Variants in ADAMTSL3 observed in about 807,000 individuals in gnomAD.
ADAMTSL3 encodes the protein ADAMTS-like protein 3.
Under a neutral mutation model 201.7 loss-of-function variants are expected in ADAMTSL3, and 128 were observed. That is an observed-to-expected ratio of 0.63 (90% CI 0.55 to 0.73). The LOEUF (loss-of-function observed/expected upper bound fraction) is 0.73. ADAMTSL3 is among the 30% of genes least tolerant of loss of function. ADAMTSL3 has a pLI of 0.00. For synonymous variants in ADAMTSL3, 738 were observed against 748.4 expected, an observed-to-expected ratio of 0.99 and a Z score of 0.23; for missense variants, 1,990 against 2,119.6, an observed-to-expected ratio of 0.94 and a Z score of 1.20.
chr15:83,655,661 G>T (rs1028647457), intron 1 of ADAMTSL3, 68 bp from the exon 2 acceptor site: 3 of 1,174,842 alleles, frequency 2.6e-6, no homozygotes, highest in Non-Finnish European at 3.7e-6. Context: ...CTAATGGGTC[G>T]CTTAAGTCAC....
Position 83,982,628 on chromosome 15 carries a change from C to G in ADAMTSL3, c.3000C>G (p.Asn1000Lys). The G allele has an allele frequency of 6.2e-7, 1 of 1,614,164 alleles. No individual in the cohort carries two copies. Among genetic ancestry groups the G allele is most frequent in the South Asian group, 1.1e-5 (1 of 91,084 alleles). ...TVVLKLIGTD[N>K]RLIARPALRE... is the part of the protein sequence containing the mutation. The stretch of plus-strand genomic sequence containing the variant: ...TGCTCAAGCTCATTGGTACTGACAA[C>G]CGGCTCATCGCACGCCCAGCCCTCA... Residue 1000 changes from asparagine to lysine, a missense_variant, in exon 21 of 30, where the codon AAC becomes AAG. Asn to Lys is a moderately conservative substitution (Grantham distance 94). Transcript: ENST00000286744.
At position 83,963,590 on chromosome 15, in the gene ADAMTSL3, C is replaced by T. The variant is rs995391284; in HGVS notation, c.2491-6894C>T. Among the ~76,000 whole-genome samples, 6 of 152,344 alleles carry T rather than the reference C, an allele frequency of 3.9e-5. 1 individual carries two copies. The highest frequency in any genetic ancestry group is 3.9e-4 in the Admixed American group (6 of 15,310). On this transcript the variant is annotated intron_variant, in intron 19 of 29. Transcript: ENST00000286744. ...CAGCTGTGGGTGCAGCTTCAGCAGA[C>T]TTAAATGTTCCTGCCTGCTGGCTCT...
At chr15:83,867,177 A>G (rs527829196) in intron 8 of ADAMTSL3, among the ~76,000 whole-genome samples, 6 of 152,244 alleles carry the variant, frequency 3.9e-5, no homozygotes, top group Non-Finnish European at 7.3e-5. Context: ...CACATTAACT[A>G]TAACTATCCA....
At chr15:83,671,537 T>C (rs2061329266) in intron 2 of ADAMTSL3, among the ~76,000 whole-genome samples, 1 of 152,256 alleles carries the variant, frequency 6.6e-6, no homozygotes, top group Admixed American at 6.5e-5. Context: ...GGGTTTTATT[T>C]AGTCTCATTT....
At chr15:83,887,746 T>C (rs1055137843) in intron 10 of ADAMTSL3, among the ~76,000 whole-genome samples, 14 of 152,124 alleles carry the variant, frequency 9.2e-5, no homozygotes, top group Non-Finnish European at 1.9e-4. Flanking sequence ...TGTGCCACCA[T>C]GCCTGGCTAA....
chr15:83,695,762 A>G (rs954174990), intron 2 of ADAMTSL3, among the ~76,000 whole-genome samples: 1 of 152,172 alleles, frequency 6.6e-6, no homozygotes, highest in East Asian at 1.9e-4. Context: ...AATCCTGCCA[A>G]AGTAAATGTA....
At chr15:83,932,582 G>C (rs2066380748) in intron 17 of ADAMTSL3, among the ~76,000 whole-genome samples, 1 of 152,170 alleles carries the variant, frequency 6.6e-6, no homozygotes, top group African/African-American at 2.4e-5. Context: ...ATCTGTCTCA[G>C]GTCTGCCTCT....
chr15:83,955,062 G>T (rs1487796054), intron 19 of ADAMTSL3, among the ~76,000 whole-genome samples: 1 of 152,206 alleles, frequency 6.6e-6, no homozygotes, highest in Non-Finnish European at 1.5e-5. Flanking sequence ...AGCCATCCAG[G>T]CTTATGTCCT....
chr15:83,871,999 T>C (rs1238986193), intron 9 of ADAMTSL3, among the ~76,000 whole-genome samples: 2 of 152,182 alleles, frequency 1.3e-5, no homozygotes, highest in Admixed American at 6.5e-5. Flanking sequence ...CAGAGGAACA[T>C]GCACGGAGGT....
At chr15:83,912,739 A>G (rs760511096) in intron 15 of ADAMTSL3, among the ~76,000 whole-genome samples, 71 of 152,236 alleles carry the variant, frequency 4.7e-4, no homozygotes, top group Admixed American at 9.8e-4. Flanking sequence ...GAAAATCTCC[A>G]TATTATAAAA....
intron 17 of ADAMTSL3, among the ~76,000 whole-genome samples, chr15:83,936,896 C>A (rs533504244): frequency 4.0e-5 from 6 of 150,956 alleles, no homozygotes; most frequent in Admixed American, 2.6e-4. Flanking sequence ...ATGTGGCCAA[C>A]AAGCATATGA....
At chr15:83,989,107 C>A (rs377235620) in intron 22 of ADAMTSL3, among the ~76,000 whole-genome samples, 11 of 152,240 alleles carry the variant, frequency 7.2e-5, no homozygotes, top group Non-Finnish European at 1.3e-4. Flanking sequence ...TGGTCTCGAT[C>A]TCCTGACCTC....
At chr15:83,996,491 A>G (rs1218709474) in intron 23 of ADAMTSL3, among the ~76,000 whole-genome samples, 2 of 152,138 alleles carry the variant, frequency 1.3e-5, no homozygotes, top group Admixed American at 1.3e-4. Flanking sequence ...CTCAATATAA[A>G]AATGAGCAGT....
At chr15:83,881,196 T>TTGAAATACTC in intron 9 of ADAMTSL3, among the ~76,000 whole-genome samples, 1 of 152,378 alleles carries the variant, frequency 6.6e-6, no homozygotes, top group Non-Finnish European at 1.5e-5. Context: ...CAACAAAGAA[T>TTGAAATACTC]TGAAATAACT....
chr15:83,895,011 AT>A (rs1466253992), intron 13 of ADAMTSL3, among the ~76,000 whole-genome samples: 2 of 152,212 alleles, frequency 1.3e-5, no homozygotes, highest in East Asian at 1.9e-4. Flanking sequence ...TTTATTGTTA[AT>A]TTTTTCTATT....
rs2341 is a variant in ADAMTSL3 at position 83,991,504 on chromosome 15, C to G, written c.3973+290C>G. On this transcript the variant is annotated intron_variant, in intron 23 of 29. Coordinates refer to ENST00000286744, the MANE Select transcript of ADAMTSL3 (RefSeq NM_207517.3). Reference sequence around the variant, plus strand: ...TATTGGCAAGACCAGAACACTCTGTCCCTATGGGTAGATCTACAAAAGAGG... The same window carrying G: ...TATTGGCAAGACCAGAACACTCTGTGCCTATGGGTAGATCTACAAAAGAGG... 0.095 allele frequency among the ~76,000 whole-genome samples: 14,427 copies of G among 152,156 alleles called. 912 individuals are homozygous for G. Among genetic ancestry groups the G allele is most frequent in the East Asian group, 0.33 (1,701 of 5,180 alleles).
chr15:83,895,638 G>A (rs532872344), intron 13 of ADAMTSL3, among the ~76,000 whole-genome samples: 2 of 152,252 alleles, frequency 1.3e-5, no homozygotes, highest in South Asian at 2.1e-4. Context: ...GGAAGTGTCC[G>A]GCTTCCCAGA....
At chr15:83,769,155 T>C (rs1240239268) in intron 3 of ADAMTSL3, among the ~76,000 whole-genome samples, 1 of 152,140 alleles carries the variant, frequency 6.6e-6, no homozygotes, top group Non-Finnish European at 1.5e-5. Context: ...ATTCTAACTA[T>C]GAACTGAACA....
chr15:83,692,642 C>T (rs2061627350), intron 2 of ADAMTSL3, among the ~76,000 whole-genome samples: 2 of 147,754 alleles, frequency 1.4e-5, no homozygotes, highest in Non-Finnish European at 1.5e-5. Flanking sequence ...GCTGAGATCG[C>T]GCCACTGCAC....
Sources: gnomAD v4.1 joint callset for allele counts (sites outside exome capture counted in the v4.1 genomes callset) on GRCh38, gnomAD v4.1.1 for gene constraint, MANE v1.5 for transcripts, NCBI Gene and HGNC (gene_info 2026-07-23, HGNC 2026-07-21) for gene names.